The following ARHGAP30 variants were observed in gnomAD, a reference collection of about 807,000 sequenced individuals.
The protein encoded by ARHGAP30 is rho GTPase-activating protein 30.
Under a neutral mutation model 72.0 loss-of-function variants are expected in ARHGAP30, and 23 were observed. That is an observed-to-expected ratio of 0.32 (90% confidence interval 0.23 to 0.45). The LOEUF is 0.45. ARHGAP30 is among the 20% of genes least tolerant of loss of function. The pLI, the probability that ARHGAP30 is intolerant of heterozygous loss-of-function variation, is 1.00. For missense variants in ARHGAP30, 1,319 were observed against 1,383.4 expected, an observed-to-expected ratio of 0.95 and a Z score of 0.74; for synonymous variants, 576 against 528.2, an observed-to-expected ratio of 1.09 and a Z score of -1.24.
chr1:161,053,447 C>T, intron 5 of ARHGAP30, 62 bp from the exon 6 acceptor site: 1 of 1,233,352 alleles, frequency 8.1e-7, no homozygotes, highest in Non-Finnish European at 1.2e-6. Flanking sequence ...CCAGATTCTC[C>T]CTGAAAATAC....
intron 1 of ARHGAP30, 58 bp from the exon 2 acceptor site, chr1:161,059,774 T>C: frequency 6.9e-7 from 1 of 1,446,310 alleles, no homozygotes; most frequent in Non-Finnish European, 9.5e-7. Flanking sequence ...GGTCAAAGAC[T>C]GCACTGGGTC....
At chr1:161,058,095 G>A (rs1327798952) in intron 2 of ARHGAP30, among the ~76,000 whole-genome samples, 1 of 151,968 alleles carries the variant, frequency 6.6e-6, no homozygotes, top group African/African-American at 2.4e-5. Context: ...AGGTTGTGGT[G>A]AGCCAAGATC....
At chr1:161,060,386 A>G in intron 1 of ARHGAP30, 2 of 286,932 alleles carry the variant, frequency 7.0e-6, no homozygotes, top group South Asian at 2.8e-5. Flanking sequence ...GCCTGAGGTC[A>G]GGAGTTTGAG....
chr1:161,064,847 A>AAGAC (rs371144650), intron 1 of ARHGAP30, among the ~76,000 whole-genome samples: 1 of 77,186 alleles, frequency 1.3e-5, no homozygotes, highest in South Asian at 3.4e-4. Flanking sequence ...GAAAGAAAGA[A>AAGAC]AGGAAAGGAA....
intron 5 of ARHGAP30, 87 bp downstream of exon 5, chr1:161,054,279 C>T (rs1421010561): frequency 4.0e-5 from 49 of 1,233,764 alleles, no homozygotes; most frequent in Admixed American, 1.4e-4. Flanking sequence ...TCCAGTGTAC[C>T]CACACAGTCA....
intron 9 of ARHGAP30, 30 bp from the exon 10 acceptor site, chr1:161,051,745 A>G (rs1557920428): frequency 6.4e-7 from 1 of 1,560,728 alleles, no homozygotes. Context: ...CCAGGTAGGC[A>G]ATAGCCTAAA....
At position 161,047,258 on chromosome 1, in the gene ARHGAP30, T is replaced by C. The variant is rs1650910701; in HGVS notation, c.*457A>G. On this transcript the variant is annotated 3_prime_UTR_variant, in exon 12 of 12. Coordinates refer to ENST00000368013, the MANE Select transcript of ARHGAP30 (RefSeq NM_001025598.2). ...GATTTAAAAGGGACAGGAGGTATCTTAGGGTCCAAGAACATAACAGGAATG... is the reference window on the plus strand; with the variant it reads ...GATTTAAAAGGGACAGGAGGTATCTCAGGGTCCAAGAACATAACAGGAATG... 4.6e-6 allele frequency: 1 copy of C among 215,156 alleles called. No homozygotes were observed. The highest frequency in any genetic ancestry group is 2.4e-5 in the African/African-American group (1 of 42,188). 13.3% of individuals were successfully genotyped at this position (215,156 alleles called of 1,614,324 possible).
In ARHGAP30 at chr1:161,064,832, AGAAAGAAAGAAAGAAAGGAAAGG is replaced by A. The variant is rs1262958597; in HGVS notation, c.97+4673_97+4695del. 1.0e-3 allele frequency among the ~76,000 whole-genome samples: 34 copies of A among 33,340 alleles called. 2 individuals are homozygous for A. Among genetic ancestry groups the A allele is most frequent in the African/African-American group, 2.8e-3 (14 of 4,976 alleles). The allele number at this position is 33,340 out of a possible 152,430, so 21.9% of individuals were successfully genotyped here. On this transcript the variant is annotated intron_variant, in intron 1 of 11. Coordinates refer to ENST00000368013, the MANE Select transcript of ARHGAP30 (RefSeq NM_001025598.2). ...GAAAGAAAGAAAGAAAGAAAGAAAG[AGAAAGAAAGAAAGAAAGGAAAGG>A]AAGGAGAGGAAGGAGAGGAAGGAGA...
At chr1:161,050,173 C>T (rs906264004) in intron 10 of ARHGAP30, among the ~76,000 whole-genome samples, 5 of 152,062 alleles carry the variant, frequency 3.3e-5, no homozygotes, top group African/African-American at 1.2e-4. Flanking sequence ...CTACCTAAAT[C>T]AATTGCAAAT....
chr1:161,066,567 C>T (rs1227877675), intron 1 of ARHGAP30, among the ~76,000 whole-genome samples: 1 of 142,786 alleles, frequency 7.0e-6, no homozygotes, highest in Non-Finnish European at 1.5e-5. Flanking sequence ...ATTGCTTGAA[C>T]CCTGGAGGTC....
Position 161,052,313 on chromosome 1 carries a change from G to A in ARHGAP30, c.991C>T (p.Leu331=). ...TLRPAKSMDS[L]SAAAGASDEP... Reference sequence around the variant, plus strand: ...TCACTGGCCCCAGCTGCAGCACTCAGTGAGTCCATGCTTTTGGCTGGCCGC... The same window carrying A: ...TCACTGGCCCCAGCTGCAGCACTCAATGAGTCCATGCTTTTGGCTGGCCGC... Residue 331 remains leucine (L), a synonymous_variant, in exon 9 of 12, where the codon CTG becomes TTG. Transcript: ENST00000368013. 1 of 1,613,978 alleles carries A rather than the reference G, an allele frequency of 6.2e-7. No individual in the cohort carries two copies. The highest frequency in any genetic ancestry group is 8.5e-7 in the Non-Finnish European group (1 of 1,180,032).
intron 3 of ARHGAP30, among the ~76,000 whole-genome samples, chr1:161,055,882 A>AAAT (rs1651818394): frequency 5.0e-4 from 21 of 41,994 alleles, no homozygotes; most frequent in Admixed American, 7.3e-4. Context: ...AAATAAAATA[A>AAAT]AAATAAATAA....
chr1:161,067,381 C>T (rs565258526), intron 1 of ARHGAP30, among the ~76,000 whole-genome samples: 1 of 152,084 alleles, frequency 6.6e-6, no homozygotes, highest in East Asian at 1.9e-4. Flanking sequence ...ACCAGCCTGG[C>T]CAACATGGTG....
chr1:161,066,384 C>T (rs1010036038), intron 1 of ARHGAP30, among the ~76,000 whole-genome samples: 3 of 150,970 alleles, frequency 2.0e-5, no homozygotes, highest in Non-Finnish European at 2.9e-5. Flanking sequence ...TGGTGGCTCA[C>T]ACCTGTAATC....
intron 5 of ARHGAP30, 77 bp from the exon 6 acceptor site, chr1:161,053,462 T>TTCTCTCTCTCTCTCTCTCTC (rs57196073): frequency 5.1e-5 from 35 of 692,940 alleles, no homozygotes; most frequent in Middle Eastern, 4.8e-4. Context: ...AAATACCTTA[T>TTCTCTCTCTCTCTCTCTCTC]TCTCTCTCTC....
chr1:161,055,899 AT>A (rs1651829390), intron 3 of ARHGAP30, among the ~76,000 whole-genome samples: 2 of 24,258 alleles, frequency 8.2e-5, no homozygotes, highest in Non-Finnish European at 2.2e-4. Flanking sequence ...ATAAAATAAA[AT>A]AAAATAAAAT....
At position 161,062,864 on chromosome 1, in the gene ARHGAP30, G is replaced by A. The variant is rs1354508816; in HGVS notation, c.98-3148C>T. ...AGTTTCGCTCTTGTTGCCCAGGCTG[G>A]AGTGCAGTGGCACAATCTCGGCTCA... On this transcript the variant is annotated intron_variant, in intron 1 of 11. Transcript: ENST00000368013. 2.6e-5 allele frequency among the ~76,000 whole-genome samples: 4 copies of A among 151,630 alleles called. No individual in the cohort carries two copies. The East Asian group carries it at 7.8e-4, about 29-fold the overall frequency.
chr1:161,060,395 A>G (rs1652229737), intron 1 of ARHGAP30: 1 of 274,650 alleles, frequency 3.6e-6, no homozygotes. Context: ...CAGGAGTTTG[A>G]GACCAGCCTG....
rs142652376 is a variant in ARHGAP30, at chr1:161,053,347, G to A, written c.575C>T (p.Ala192Val). Residue 192 changes from alanine to valine, a missense_variant, in exon 6 of 12, where the codon GCG (alanine) becomes GTG (valine). Around this residue, in one of 2 missense-constraint regions of ARHGAP30, gnomAD observed 222 missense variants for 338.2 expected, o/e 0.66. Coordinates refer to ENST00000368013, the MANE Select transcript of ARHGAP30 (RefSeq NM_001025598.2). ...DIEASGFNGT[A>V]AFMEVRVQSI... is the part of the protein sequence containing the mutation. ...TTGTACCCGCACCTCCATGAAGGCC[G>A]CTGTCCCATTGAAGCCTGAGGCCTC... 3.7e-6 allele frequency: 6 copies of A among 1,613,992 alleles called. No individual in the cohort carries two copies. Among genetic ancestry groups the A allele is most frequent in the Non-Finnish European group, 5.1e-6 (6 of 1,180,016 alleles).
Sources: allele counts gnomAD v4.1 joint callset (sites outside exome capture counted in the v4.1 genomes callset), GRCh38; gene constraint gnomAD v4.1.1; regional missense constraint gnomAD v4.1.1; transcripts MANE v1.5; gene names NCBI Gene and HGNC (gene_info 2026-07-23, HGNC 2026-07-21).